Variants in ADNP observed in about 807,000 individuals in gnomAD.
ADNP encodes activity-dependent neuroprotector homeobox protein.
A neutral mutation model predicts 84.9 loss-of-function variants in ADNP; 4 were observed. The ratio of observed to expected loss-of-function variants is 0.05; its 90% CI spans 0.02 to 0.11. The LOEUF (loss-of-function observed/expected upper bound fraction) is 0.11, where lower values mean the gene tolerates loss of function less well. Ranked by LOEUF, ADNP falls within the 10% of genes least tolerant of loss-of-function variation. The pLI is 1.00. For synonymous variants in ADNP, 554 were observed against 468.1 expected, an observed-to-expected ratio of 1.18 and a Z score of -2.37; for missense variants, 1,132 against 1,326.0, an observed-to-expected ratio of 0.85 and a Z score of 2.27.
In ADNP at chr20:50,930,634, C is replaced by G. The variant is rs1234083273; in HGVS notation, c.-265+192G>C. Among the ~76,000 whole-genome samples the G allele has an allele frequency of 9.2e-5, 14 of 152,114 alleles. No individual in the cohort carries two copies. The East Asian group carries it at 2.5e-3, about 27-fold the overall frequency. Reference sequence around the variant, plus strand: ...GGACCTCCGGAGCAGAGTCGGGTAGCGGTCCGTGCCGGGACGGGGGACCCG... The same window carrying G: ...GGACCTCCGGAGCAGAGTCGGGTAGGGGTCCGTGCCGGGACGGGGGACCCG... On this transcript the variant is annotated intron_variant, in intron 1 of 5. Coordinates refer to ENST00000621696, the MANE Select transcript of ADNP (RefSeq NM_001282531.3).
intron 4 of ADNP, among the ~76,000 whole-genome samples, chr20:50,903,216 A>C (rs1349577525): frequency 6.6e-6 from 1 of 152,198 alleles, no homozygotes; most frequent in Non-Finnish European, 1.5e-5. Context: ...GCTCTGACCA[A>C]CAAACCATAA....
At position 50,891,620 on chromosome 20, in the gene ADNP, A is replaced by T. The variant is rs1980733674; in HGVS notation, c.3094T>A (p.Ser1032Thr). 7 of 1,614,050 alleles carry T rather than the reference A, an allele frequency of 4.3e-6. No individual in the cohort carries two copies. Among genetic ancestry groups the T allele is most frequent in the South Asian group, 1.1e-5 (1 of 91,076 alleles). Residue 1032 changes from serine (S) to threonine (T), a missense_variant, in exon 6 of 6, where the codon TCC becomes ACC. Around this residue, in one of 10 missense-constraint regions of ADNP, gnomAD observed 381 missense variants for 319.9 expected, o/e 1.19. Coordinates refer to ENST00000621696, the MANE Select transcript of ADNP (RefSeq NM_001282531.3). Reference sequence around the variant, plus strand: ...CAAAACCCTTCAACTTTTCCATAGGAACTATTCTTCCATTTCAACTGCTCT... The same window carrying T: ...CAAAACCCTTCAACTTTTCCATAGGTACTATTCTTCCATTTCAACTGCTCT... ...DREQLKWKNS[S>T]YGKVEGFWSK...
chr20:50,930,139 T>A lies in ADNP; in HGVS notation c.-265+687A>T, dbSNP rs575956956. Among the ~76,000 whole-genome samples, 362 of 152,114 alleles carry A rather than the reference T, an allele frequency of 2.4e-3. 2 individuals are homozygous for A. The highest frequency in any genetic ancestry group is 3.9e-3 in the Non-Finnish European group (262 of 67,976). Reference sequence around the variant, plus strand: ...CCCCATTCATTACATTAAAAAAAAATCTTTTTGCAGCTCTCTGGATTTCCA... The same window carrying A: ...CCCCATTCATTACATTAAAAAAAAAACTTTTTGCAGCTCTCTGGATTTCCA... On this transcript the variant is annotated intron_variant, in intron 1 of 5. Coordinates refer to ENST00000621696, the MANE Select transcript of ADNP (RefSeq NM_001282531.3).
chr20:50,908,230 G>A (rs528116772), intron 2 of ADNP, among the ~76,000 whole-genome samples: 1 of 149,478 alleles, frequency 6.7e-6, no homozygotes, highest in East Asian at 2.0e-4. Flanking sequence ...AGCAAAGAAG[G>A]CTTCCTTCTC....
intron 2 of ADNP, among the ~76,000 whole-genome samples, chr20:50,908,908 T>A (rs1260295383): frequency 1.3e-5 from 2 of 152,116 alleles, no homozygotes; most frequent in Admixed American, 1.3e-4. Flanking sequence ...GGCCCTTTCC[T>A]CACTTTCGAA....
chr20:50,902,656 G>A lies in ADNP; in HGVS notation c.109-547C>T, dbSNP rs992177130. ...TATACTCTCATGTAAAAATTTAATG[G>A]TCCACTTCCCTCCAGACTAGGAAGA... On this transcript the variant is annotated intron_variant, in intron 4 of 5. Transcript: ENST00000621696. 2.0e-5 allele frequency among the ~76,000 whole-genome samples: 3 copies of A among 152,136 alleles called. No homozygotes were observed. The South Asian group carries it at 6.2e-4, about 32-fold the overall frequency.
At chr20:50,901,010 T>C (rs1010811569) in intron 5 of ADNP, among the ~76,000 whole-genome samples, 6 of 152,192 alleles carry the variant, frequency 3.9e-5, no homozygotes, top group African/African-American at 1.2e-4. Context: ...TAATACATTA[T>C]AGAATATACT....
chr20:50,929,367 G>C (rs555002012), intron 1 of ADNP, among the ~76,000 whole-genome samples: 149 of 152,346 alleles, frequency 9.8e-4, no homozygotes, highest in African/African-American at 3.0e-3. Context: ...CTTCTAAAAT[G>C]CAGGGTGGGC....
chr20:50,895,939 G>C (rs1981344391), intron 5 of ADNP, among the ~76,000 whole-genome samples: 1 of 152,130 alleles, frequency 6.6e-6, no homozygotes, highest in African/African-American at 2.4e-5. Context: ...AACACAAACA[G>C]ATTGGCCAGG....
In ADNP at chr20:50,897,668, C is replaced by T. The variant is rs562660901; in HGVS notation, c.202-3156G>A. Among the ~76,000 whole-genome samples, 238 of 152,248 alleles carry T rather than the reference C, an allele frequency of 1.6e-3. 2 individuals carry two copies. The highest frequency in any genetic ancestry group is 2.6e-3 in the Non-Finnish European group (176 of 68,016). ...TTCTCAGTGTCTCCCTAAGCTGCGACGACAGGACAAAGGCCTTTCTCAGAT... is the reference window on the plus strand; with the variant it reads ...TTCTCAGTGTCTCCCTAAGCTGCGATGACAGGACAAAGGCCTTTCTCAGAT... On this transcript the variant is annotated intron_variant, in intron 5 of 5. Coordinates refer to ENST00000621696, the MANE Select transcript of ADNP (RefSeq NM_001282531.3).
chr20:50,921,270 C>G (rs930061059), intron 2 of ADNP, among the ~76,000 whole-genome samples: 1 of 152,324 alleles, frequency 6.6e-6, no homozygotes, highest in South Asian at 2.1e-4. Context: ...TGTTCCTGTA[C>G]ACATTACAAT....
In ADNP at chr20:50,892,430, C is replaced by T; in HGVS notation, c.2284G>A (p.Asp762Asn). The change falls in exon 6 of 6, where the codon GAT becomes AAT. Residue 762 changes from aspartate (D) to asparagine (N), a missense_variant. Asp to Asn is a conservative substitution (Grantham distance 23). Coordinates refer to ENST00000621696, the MANE Select transcript of ADNP (RefSeq NM_001282531.3). ...LALDPKGHED[D>N]SYEARKSFLT... ...AAGCTTTTCCTGGCTTCATAGGAAT[C>T]ATCTTCATGACCCTTGGGGTCTAAA... The T allele has an allele frequency of 6.2e-7, 1 of 1,614,168 alleles. No individual in the cohort carries two copies. Among genetic ancestry groups the T allele is most frequent in the South Asian group, 1.1e-5 (1 of 91,074 alleles).
At chr20:50,895,422 A>G (rs1981278065) in intron 5 of ADNP, among the ~76,000 whole-genome samples, 1 of 152,240 alleles carries the variant, frequency 6.6e-6, no homozygotes, top group Non-Finnish European at 1.5e-5. Context: ...ATACAATGTA[A>G]AAGATAAATG....
intron 2 of ADNP, among the ~76,000 whole-genome samples, chr20:50,924,179 C>T (rs1446780698): frequency 6.6e-6 from 1 of 152,178 alleles, no homozygotes; most frequent in African/African-American, 2.4e-5. Flanking sequence ...TCAGGACAGA[C>T]TGACTGTCTT....
chr20:50,898,052 T>C (rs12479470), intron 5 of ADNP, among the ~76,000 whole-genome samples: 33,930 of 152,110 alleles, frequency 0.22, 4,055 homozygotes, highest in Non-Finnish European at 0.26. Flanking sequence ...CATCCAGTCC[T>C]TAAAAGACTT....
intron 2 of ADNP, among the ~76,000 whole-genome samples, chr20:50,924,837 A>G (rs1984182712): frequency 6.6e-6 from 1 of 152,228 alleles, no homozygotes; most frequent in Non-Finnish European, 1.5e-5. Context: ...CTGGTCAAAT[A>G]ATGCATGACT....
intron 2 of ADNP, among the ~76,000 whole-genome samples, chr20:50,912,911 A>T (rs905517950): frequency 6.6e-6 from 1 of 152,002 alleles, no homozygotes; most frequent in African/African-American, 2.4e-5. Context: ...AGAAGAGAAG[A>T]GTGTGGAATC....
chr20:50,892,718 G>A lies in ADNP; in HGVS notation c.1996C>T (p.His666Tyr), dbSNP rs1980926424. Residue 666 changes from histidine (H) to tyrosine (Y), a missense_variant, in exon 6 of 6, where the codon CAT (histidine) becomes TAT (tyrosine). Physicochemically the swap from His to Tyr is moderately conservative, Grantham distance 83. This residue lies in a region of ADNP where 39 missense variants were observed against 96.2 expected (regional missense o/e 0.41). Transcript: ENST00000621696. Reference protein sequence around the residue: ...VEKKLTYKCIHCLGVYTSNMT... With the variant: ...VEKKLTYKCIYCLGVYTSNMT... ...TTGCTGGTATACACACCAAGGCAAT[G>A]GATACATTTGTAGGTGAGCTTTTTC... 1 of 1,614,064 alleles carries A rather than the reference G, an allele frequency of 6.2e-7. No homozygotes were observed. The highest frequency in any genetic ancestry group is 8.5e-7 in the Non-Finnish European group (1 of 1,180,044).
intron 2 of ADNP, among the ~76,000 whole-genome samples, chr20:50,913,426 T>C (rs371866733): frequency 1.4e-4 from 22 of 152,252 alleles, no homozygotes; most frequent in African/African-American, 4.8e-4. Flanking sequence ...ATTATTCCAA[T>C]TGATGCTGAT....
Sources: gnomAD v4.1 joint callset for allele counts (sites outside exome capture counted in the v4.1 genomes callset) on GRCh38, gnomAD v4.1.1 for gene constraint, gnomAD v4.1.1 regional missense constraint, MANE v1.5 for transcripts, NCBI Gene and HGNC (gene_info 2026-07-23, HGNC 2026-07-21) for gene names.